SSBP2: variants seen among roughly 807,000 people sequenced by gnomAD.
The protein encoded by SSBP2 is single stranded DNA binding protein 2.
In SSBP2, 17 loss-of-function variants were observed where a neutral mutation model predicts 61.8. The observed-to-expected ratio is 0.28, with a 90% CI of 0.19 to 0.41. The LOEUF is 0.41. Ranked by LOEUF, SSBP2 falls within the 10% of genes least tolerant of loss-of-function variation. The pLI is 1.00. For synonymous variants in SSBP2, 139 were observed against 141.3 expected, an observed-to-expected ratio of 0.98 and a Z score of 0.12; for missense variants, 310 against 458.7, an observed-to-expected ratio of 0.68 and a Z score of 2.96.
rs1017005993 is a variant in SSBP2 at position 81,487,892 on chromosome 5, A to G, written c.432+1358T>C. ...AGTTTGACCTTTTAAGAGTTTACAT[A>G]TAAGTGAGATCATGCAATATTTTTC... On this transcript the variant is annotated intron_variant, in intron 6 of 16. Transcript: ENST00000320672. Among the ~76,000 whole-genome samples the G allele has an allele frequency of 5.3e-5, 8 of 150,616 alleles. No homozygotes were observed. In the East Asian group the frequency reaches 9.8e-4, roughly 18 times the overall value.
At chr5:81,544,847 G>A (rs1032844929) in intron 4 of SSBP2, among the ~76,000 whole-genome samples, 1 of 152,164 alleles carries the variant, frequency 6.6e-6, no homozygotes, top group Non-Finnish European at 1.5e-5. Flanking sequence ...TGGCAAATAT[G>A]TACAAAGTGG....
intron 4 of SSBP2, among the ~76,000 whole-genome samples, chr5:81,605,012 ACT>A (rs1744741212): frequency 1.3e-5 from 2 of 152,132 alleles, no homozygotes. Context: ...ACAAAAATTT[ACT>A]TTTTGCTTAT....
At chr5:81,552,375 T>C (rs1422175220) in intron 4 of SSBP2, among the ~76,000 whole-genome samples, 1 of 152,130 alleles carries the variant, frequency 6.6e-6, no homozygotes, top group Non-Finnish European at 1.5e-5. Context: ...CGGTGGCTCA[T>C]GTCTGGTGAT....
intron 3 of SSBP2, 47 bp downstream of exon 3, chr5:81,636,510 T>C (rs772514912): frequency 1.4e-6 from 2 of 1,453,218 alleles, no homozygotes; most frequent in South Asian, 1.2e-5. Flanking sequence ...TACAGGCCTA[T>C]TGAAATGCAT....
At chr5:81,468,258 C>T (rs1765023696) in intron 8 of SSBP2, among the ~76,000 whole-genome samples, 1 of 151,984 alleles carries the variant, frequency 6.6e-6, no homozygotes, top group African/African-American at 2.4e-5. Context: ...TCCATTGATT[C>T]TATCTATGAA....
At chr5:81,457,730 C>T (rs1163005465) in intron 10 of SSBP2, among the ~76,000 whole-genome samples, 7 of 151,872 alleles carry the variant, frequency 4.6e-5, no homozygotes, top group South Asian at 2.1e-4. Context: ...GGCGCGATCT[C>T]GGCTCACTGC....
At chr5:81,690,160 AAAGG>A (rs1753099035) in intron 1 of SSBP2, among the ~76,000 whole-genome samples, 1 of 152,124 alleles carries the variant, frequency 6.6e-6, no homozygotes, top group Admixed American at 6.5e-5. Flanking sequence ...ACCTTCACTA[AAAGG>A]AAGACAGGAA....
At chr5:81,514,665 T>C (rs1768873189) in intron 4 of SSBP2, among the ~76,000 whole-genome samples, 1 of 152,058 alleles carries the variant, frequency 6.6e-6, no homozygotes. Context: ...CTAGTGTATC[T>C]GTTGCGCTAT....
At chr5:81,734,056 G>A (rs1756437917) in intron 1 of SSBP2, among the ~76,000 whole-genome samples, 1 of 152,134 alleles carries the variant, frequency 6.6e-6, no homozygotes, top group African/African-American at 2.4e-5. Context: ...ATGGACAAAA[G>A]GATGACATTT....
chr5:81,622,200 G>A (rs556952597), intron 3 of SSBP2, among the ~76,000 whole-genome samples: 4 of 151,308 alleles, frequency 2.6e-5, no homozygotes, highest in Non-Finnish European at 5.9e-5. Context: ...GAAGCAGACT[G>A]GGGGGGAAAA....
intron 1 of SSBP2, among the ~76,000 whole-genome samples, chr5:81,712,716 G>A (rs1581401521): frequency 7.1e-6 from 1 of 140,974 alleles, no homozygotes; most frequent in Non-Finnish European, 1.5e-5. Flanking sequence ...GGGACTTTTT[G>A]TTTGTTTCTT....
Position 81,420,261 on chromosome 5 carries a change from C to T in SSBP2, c.*243G>A. ...ATTCTCTTTCCCACACATATACATA[C>T]ACACATAATTATTTGCAGTTCAGTT... On this transcript the variant is annotated 3_prime_UTR_variant, in exon 17 of 17. Transcript: ENST00000320672. 5.4e-6 allele frequency: 3 copies of T among 555,108 alleles called. No homozygotes were observed. The highest frequency in any genetic ancestry group is 2.9e-5 in the East Asian group (1 of 33,916). 34.4% of individuals were successfully genotyped at this position (555,108 alleles called of 1,614,324 possible). A position where few individuals can be genotyped will look rare whatever the true frequency, so the allele number is the denominator to read the frequency against.
intron 5 of SSBP2, among the ~76,000 whole-genome samples, chr5:81,510,615 G>A (rs2154080595): frequency 6.6e-6 from 1 of 152,230 alleles, no homozygotes; most frequent in Non-Finnish European, 1.5e-5. Flanking sequence ...ACAAAAATTA[G>A]CCGGGCGTGG....
rs542315914 is a variant in SSBP2, at chr5:81,431,533, T to C, written c.958-2850A>G. On this transcript the variant is annotated intron_variant, in intron 15 of 16. Transcript: ENST00000320672. ...AACACAATTTCCTCTGGCTGCCATGTTTAACCCTGTTGGACTTCCTGGTCT... is the reference window on the plus strand; with the variant it reads ...AACACAATTTCCTCTGGCTGCCATGCTTAACCCTGTTGGACTTCCTGGTCT... 2.4e-4 allele frequency among the ~76,000 whole-genome samples: 37 copies of C among 152,232 alleles called. 1 individual carries two copies. The South Asian group carries it at 6.0e-3, about 25-fold the overall frequency.
intron 4 of SSBP2, among the ~76,000 whole-genome samples, chr5:81,556,080 CAGG>C (rs1406398274): frequency 6.6e-6 from 1 of 152,064 alleles, no homozygotes; most frequent in Non-Finnish European, 1.5e-5. Context: ...CAAAAATTGG[CAGG>C]AGTTTGCTGG....
chr5:81,465,321 A>G (rs565071409), intron 9 of SSBP2, among the ~76,000 whole-genome samples: 122 of 152,146 alleles, frequency 8.0e-4, no homozygotes, highest in African/African-American at 2.9e-3. Context: ...ATATCAACAA[A>G]AAGTAATCAT....
intron 4 of SSBP2, among the ~76,000 whole-genome samples, chr5:81,562,091 A>G (rs2153417375): frequency 6.6e-6 from 1 of 151,654 alleles, no homozygotes; most frequent in African/African-American, 2.4e-5. Context: ...TTTTTAGTAG[A>G]GATGGGGTTT....
At chr5:81,673,454 C>T (rs1366574249) in intron 1 of SSBP2, among the ~76,000 whole-genome samples, 1 of 152,096 alleles carries the variant, frequency 6.6e-6, no homozygotes, top group African/African-American at 2.4e-5. Context: ...ATCAAAAAAA[C>T]TTGTAAAGGA....
chr5:81,656,901 GT>G (rs563052237), intron 1 of SSBP2, among the ~76,000 whole-genome samples: 302 of 149,402 alleles, frequency 2.0e-3, no homozygotes, highest in Non-Finnish European at 2.4e-3. Context: ...AAAGTCATAA[GT>G]TTTTTTTTTA....
Sources: allele counts gnomAD v4.1 joint callset (sites outside exome capture counted in the v4.1 genomes callset), GRCh38; gene constraint gnomAD v4.1.1; transcripts MANE v1.5; gene names NCBI Gene and HGNC (gene_info 2026-07-23, HGNC 2026-07-21).